The following PHF3 variants were observed in gnomAD, a reference collection of about 807,000 sequenced individuals.
The protein encoded by PHF3 is PHD finger protein 3.
PHF3 carries 41 observed loss-of-function variants against 178.4 expected under a neutral mutation model. The observed-to-expected ratio is 0.23, with a 90% CI of 0.18 to 0.30. The LOEUF (loss-of-function observed/expected upper bound fraction) is 0.30, where lower values mean the gene tolerates loss of function less well. Among genes scored for constraint, PHF3 ranks in the 10% least tolerant of loss-of-function variants. PHF3 has a pLI of 1.00. For synonymous variants in PHF3, 842 were observed against 800.5 expected, an observed-to-expected ratio of 1.05 and a Z score of -0.88; for missense variants, 2,346 against 2,398.1, an observed-to-expected ratio of 0.98 and a Z score of 0.45.
intron 3 of PHF3, among the ~76,000 whole-genome samples, chr6:63,680,710 A>G (rs1413902911): frequency 6.6e-6 from 1 of 152,042 alleles, no homozygotes; most frequent in African/African-American, 2.4e-5. Context: ...ACCAGCAGTT[A>G]TACTAAAACT....
chr6:63,643,827 T>C (rs1764674965), intron 1 of PHF3, among the ~76,000 whole-genome samples: 1 of 152,170 alleles, frequency 6.6e-6, no homozygotes, highest in Non-Finnish European at 1.5e-5. Flanking sequence ...AAAATCGATC[T>C]TCAAGAAATA....
intron 1 of PHF3, among the ~76,000 whole-genome samples, chr6:63,643,357 G>A (rs1392612920): frequency 1.3e-5 from 2 of 152,064 alleles, no homozygotes; most frequent in Admixed American, 1.3e-4. Context: ...CTTTTGGATG[G>A]CTACATGCTG....
At chr6:63,678,389 T>C (rs1766276989) in intron 2 of PHF3, among the ~76,000 whole-genome samples, 1 of 152,170 alleles carries the variant, frequency 6.6e-6, no homozygotes, top group South Asian at 2.1e-4. Context: ...TGATTAATTT[T>C]TCTAAAGCAT....
intron 2 of PHF3, among the ~76,000 whole-genome samples, chr6:63,674,401 A>G (rs1285946164): frequency 6.8e-6 from 1 of 146,618 alleles, no homozygotes; most frequent in Non-Finnish European, 1.5e-5. Flanking sequence ...AGAGGGGAAG[A>G]AAAGCATTAT....
At chr6:63,686,940 A>G (rs182295738) in intron 4 of PHF3, among the ~76,000 whole-genome samples, 225 of 152,276 alleles carry the variant, frequency 1.5e-3, no homozygotes, top group African/African-American at 5.1e-3. Context: ...TGTTGGGGCT[A>G]TTGTGTAAAA....
rs773685787 is a variant in PHF3 at position 63,685,139 on chromosome 6, A to G, written c.1417A>G (p.Ser473Gly). 1.2e-6 allele frequency: 2 copies of G among 1,614,096 alleles called. No homozygotes were observed. Among genetic ancestry groups the G allele is most frequent in the Non-Finnish European group, 1.7e-6 (2 of 1,180,020 alleles). Residue 473 changes from serine (S) to glycine (G), a missense_variant, in exon 4 of 16, where the codon AGC becomes GGC. Around this residue, in one of 8 missense-constraint regions of PHF3, gnomAD observed 843 missense variants for 795.2 expected, o/e 1.06. Transcript: ENST00000262043. ...AGCAAACCTTCAGGATGACAGAAAC[A>G]GCCAGTCAAGTAGCGTTTCTTACTT... ...ETANLQDDRN[S>G]QSSSVSYLES...
intron 2 of PHF3, among the ~76,000 whole-genome samples, chr6:63,677,626 G>A (rs1766227312): frequency 6.6e-6 from 1 of 152,098 alleles, no homozygotes; most frequent in African/African-American, 2.4e-5. Flanking sequence ...TTTCCTTCTG[G>A]TCTGTTTTTC....
In PHF3 at chr6:63,691,723, G is replaced by T. The variant is rs1376126575; in HGVS notation, c.2190-14G>T. 5 of 1,545,752 alleles carry T rather than the reference G, an allele frequency of 3.2e-6. No individual in the cohort carries two copies. The highest frequency in any genetic ancestry group is 2.1e-5 in the Admixed American group (1 of 48,566). On this transcript the variant is annotated splice_polypyrimidine_tract_variant and intron_variant, in intron 4 of 15. Transcript: ENST00000262043. The stretch of plus-strand genomic sequence containing the variant: ...AAAAAAGGGATAAAAGTTTTTTGGT[G>T]TTCTGTTTTCCAGGTTTATGGTTGG...
At chr6:63,652,966 A>G (rs1765078791) in intron 2 of PHF3, among the ~76,000 whole-genome samples, 2 of 148,780 alleles carry the variant, frequency 1.3e-5, no homozygotes. Context: ...CAGTAGTGTG[A>G]TAACTCCAGC....
In PHF3 at chr6:63,711,449, C is replaced by T. The variant is rs559598267; in HGVS notation, c.3997+87C>T. The T allele has an allele frequency of 1.8e-3, 2,486 of 1,356,226 alleles. 2 individuals carry two copies. The highest frequency in any genetic ancestry group is 2.2e-3 in the Non-Finnish European group (2,172 of 985,972). 84.0% of individuals were successfully genotyped at this position (1,356,226 alleles called of 1,614,324 possible). On this transcript the variant is annotated intron_variant, in intron 15 of 15. Coordinates refer to ENST00000262043, the MANE Select transcript of PHF3 (RefSeq NM_001370348.2). ...AAAAGACTGATTCTGCCTTCTTTCT[C>T]AGGATCCAGCCCTCTAGAGATGGCT...
chr6:63,671,469 T>C (rs1175782563), intron 2 of PHF3, among the ~76,000 whole-genome samples: 1 of 152,192 alleles, frequency 6.6e-6, no homozygotes, highest in African/African-American at 2.4e-5. Context: ...GTCTAATTGC[T>C]TTTTGGTGGC....
At chr6:63,661,723 T>A (rs1214393771) in intron 2 of PHF3, among the ~76,000 whole-genome samples, 1 of 152,186 alleles carries the variant, frequency 6.6e-6, no homozygotes. Context: ...GATAAGAAGA[T>A]GAGTTATATG....
intron 2 of PHF3, among the ~76,000 whole-genome samples, chr6:63,671,895 C>G (rs1356541241): frequency 6.6e-6 from 1 of 151,940 alleles, no homozygotes; most frequent in African/African-American, 2.4e-5. Flanking sequence ...TACAGGCACG[C>G]ACCACCACAC....
At position 63,680,030 on chromosome 6, in the gene PHF3, G is replaced by T; in HGVS notation, c.275G>T (p.Gly92Val). 6.2e-7 allele frequency: 1 copy of T among 1,611,876 alleles called. No homozygotes were observed. Among genetic ancestry groups the T allele is most frequent in the African/African-American group, 1.3e-5 (1 of 74,880 alleles). The change falls in exon 3 of 16, where the codon GGA becomes GTA. Residue 92 changes from glycine (G) to valine (V), a missense_variant. Around this residue, in one of 8 missense-constraint regions of PHF3, gnomAD observed 843 missense variants for 795.2 expected, o/e 1.06. Transcript: ENST00000262043. ...GGTCTTGACGATATTATGGATGAAG[G>T]AGTTGTTAAAGAAAGTGGCAATGAT... ...VVGLDDIMDEGVVKESGNDTI... is the reference protein window; with the variant it reads ...VVGLDDIMDEVVVKESGNDTI...
chr6:63,703,026 C>T (rs769358420), intron 10 of PHF3, among the ~76,000 whole-genome samples: 4 of 152,134 alleles, frequency 2.6e-5, no homozygotes, highest in Non-Finnish European at 4.4e-5. Context: ...TACAGGCATG[C>T]GCCAATACAC....
rs34858766 is a variant in PHF3, at chr6:63,689,136, C to G, written c.2190-2601C>G. On this transcript the variant is annotated intron_variant, in intron 4 of 15. Transcript: ENST00000262043. ...CTTTTATTTTCCTGATTCAAACTTA[C>G]ATCAAAGGTGTATGATTTTAAAGAC... Among the ~76,000 whole-genome samples, 712 of 152,280 alleles carry G rather than the reference C, an allele frequency of 4.7e-3. 2 individuals are homozygous for G. The highest frequency in any genetic ancestry group is 7.7e-3 in the Non-Finnish European group (527 of 68,012).
intron 6 of PHF3, 45 bp downstream of exon 6, chr6:63,694,809 CTTAT>C: frequency 9.3e-7 from 1 of 1,069,856 alleles, no homozygotes; most frequent in Non-Finnish European, 1.2e-6. Flanking sequence ...ATATTTATAT[CTTAT>C]TTAAGATACA....
At chr6:63,702,692 G>A (rs1767525886) in intron 10 of PHF3, 53 bp downstream of exon 10, 13 of 1,507,624 alleles carry the variant, frequency 8.6e-6, no homozygotes, top group East Asian at 4.6e-5. Flanking sequence ...ATTCAGAAAA[G>A]GTTTATTTGC....
chr6:63,713,807 A>G lies in PHF3; in HGVS notation c.*99A>G. ...GCCTGCTAGGATTGTGCCATCTTTAAAATTTTTACTATTGGTCATTTGCAG... is the reference window on the plus strand; with the variant it reads ...GCCTGCTAGGATTGTGCCATCTTTAGAATTTTTACTATTGGTCATTTGCAG... On this transcript the variant is annotated 3_prime_UTR_variant, in exon 16 of 16. Coordinates refer to ENST00000262043, the MANE Select transcript of PHF3 (RefSeq NM_001370348.2). The G allele has an allele frequency of 9.8e-7, 1 of 1,017,922 alleles. No homozygotes were observed. Among genetic ancestry groups the G allele is most frequent in the South Asian group, 1.8e-5 (1 of 55,982 alleles). The allele number at this position is 1,017,922 out of a possible 1,614,324, so 63.1% of individuals were successfully genotyped here.
Sources: allele counts gnomAD v4.1 joint callset (sites outside exome capture counted in the v4.1 genomes callset), GRCh38; gene constraint gnomAD v4.1.1; regional missense constraint gnomAD v4.1.1; transcripts MANE v1.5; gene names NCBI Gene and HGNC (gene_info 2026-07-23, HGNC 2026-07-21).